The following PCDH15 variants were observed in gnomAD, a reference collection of about 807,000 sequenced individuals.
PCDH15 encodes the protein protocadherin-15.
A neutral mutation model predicts 178.5 loss-of-function variants in PCDH15; 129 were observed. The observed-to-expected ratio is 0.72, with a 90% CI of 0.63 to 0.84. The LOEUF (loss-of-function observed/expected upper bound fraction) is 0.84, where lower values mean the gene tolerates loss of function less well. Ranked by LOEUF, PCDH15 falls within the 40% of genes least tolerant of loss-of-function variation. The pLI is 0.00. For missense variants in PCDH15, 2,230 were observed against 2,099.9 expected (o/e 1.06, Z -1.21); for synonymous variants, 800 against 732.0 (o/e 1.09, Z -1.50).
chr10:54,620,435 C>T (rs1044339407), intron 2 of PCDH15, among the ~76,000 whole-genome samples: 2 of 151,946 alleles, frequency 1.3e-5, no homozygotes, highest in African/African-American at 2.4e-5. Context: ...CTAAATGAAG[C>T]TTTCAGGGGA....
rs568758336 is a variant in PCDH15, at chr10:54,245,630, A to G, written c.877-8699T>C. On this transcript the variant is annotated intron_variant, in intron 8 of 37. Transcript: ENST00000644397. ...AAATGATTACTTAAAAATATTGCAA[A>G]TGCTTGCTTAGCAATGATTTAAAAC... 1.1e-3 allele frequency among the ~76,000 whole-genome samples: 170 copies of G among 152,242 alleles called. No homozygotes were observed. In the Middle Eastern group the frequency reaches 0.02, roughly 18 times the overall value.
intron 18 of PCDH15, among the ~76,000 whole-genome samples, chr10:54,026,167 C>G (rs936381331): frequency 1.3e-5 from 2 of 151,714 alleles, no homozygotes; most frequent in African/African-American, 4.8e-5. Flanking sequence ...CTCCCAGGCT[C>G]AAGCAATCCT....
intron 1 of PCDH15, among the ~76,000 whole-genome samples, chr10:55,275,773 T>C (rs184342889): frequency 1.2e-3 from 188 of 151,404 alleles, no homozygotes; most frequent in Non-Finnish European, 1.9e-3. Flanking sequence ...TATTGTAGAA[T>C]CAGGTTGTCA....
intron 1 of PCDH15, among the ~76,000 whole-genome samples, chr10:55,262,262 AG>A (rs369725548): frequency 3.4e-4 from 48 of 142,998 alleles, no homozygotes; most frequent in Admixed American, 2.7e-3. Context: ...GTGATATGGG[AG>A]GGGGGCAAAG....
intron 23 of PCDH15, among the ~76,000 whole-genome samples, chr10:53,955,535 G>T (rs188042894): frequency 6.6e-6 from 1 of 152,178 alleles, no homozygotes; most frequent in South Asian, 2.1e-4. Flanking sequence ...TTTTTCCTAT[G>T]GAATTCAAAC....
intron 3 of PCDH15, among the ~76,000 whole-genome samples, chr10:54,469,663 G>A (rs2077761184): frequency 6.6e-6 from 1 of 152,170 alleles, no homozygotes; most frequent in Admixed American, 6.5e-5. Flanking sequence ...GCAGGTCTAT[G>A]TAAGCAGGTC....
Position 53,958,923 on chromosome 10 carries a change from G to C in PCDH15, c.3122+809C>G, listed in dbSNP as rs536678703. Among the ~76,000 whole-genome samples the C allele has an allele frequency of 1.1e-4, 15 of 131,742 alleles. No homozygotes were observed. The East Asian group carries it at 3.7e-3, about 32-fold the overall frequency. The allele number at this position is 131,742 out of a possible 152,430, so 86.4% of individuals were successfully genotyped here. A position where few individuals can be genotyped will look rare whatever the true frequency, so the allele number is the denominator to read the frequency against. On this transcript the variant is annotated intron_variant, in intron 23 of 37. Transcript: ENST00000644397. The stretch of plus-strand genomic sequence containing the variant: ...AAACCCAGGAGGTGGAGCTTGTAGT[G>C]ACCCGAGATTACGTCACTGCACTCC...
intron 1 of PCDH15, among the ~76,000 whole-genome samples, chr10:54,675,674 T>C (rs542068420): frequency 7.2e-5 from 11 of 152,146 alleles, no homozygotes; most frequent in Admixed American, 3.9e-4. Flanking sequence ...CGATAATCCT[T>C]AGCCTTTCCT....
intron 18 of PCDH15, among the ~76,000 whole-genome samples, chr10:54,035,719 G>T (rs931999141): frequency 5.9e-5 from 9 of 151,938 alleles, no homozygotes; most frequent in African/African-American, 1.9e-4. Flanking sequence ...TTAAGTGAAA[G>T]AGTTGTGTGT....
At chr10:55,526,312 C>A (rs1395355281) in intron 2 of PCDH15, among the ~76,000 whole-genome samples, 1 of 151,708 alleles carries the variant, frequency 6.6e-6, no homozygotes, top group Non-Finnish European at 1.5e-5. Flanking sequence ...TGTGTATATC[C>A]AATACGTAGA....
intron 2 of PCDH15, among the ~76,000 whole-genome samples, chr10:55,499,245 G>A (rs1340492152): frequency 6.6e-6 from 1 of 151,788 alleles, no homozygotes; most frequent in African/African-American, 2.4e-5. Context: ...TGCTAAATTT[G>A]TGGTAATTTG....
At position 53,866,695 on chromosome 10, in the gene PCDH15, C is replaced by G. The variant is rs760724359; in HGVS notation, c.3664G>C (p.Val1222Leu). ...TTCCCATAGTCGTCAGTTGCAATAA[C>G]TTGAAACTTGAAGTAGGATCTCCTC... ...NMRRSYFKFQ[V>L]IATDDYGKGL... The change falls in exon 27 of 38, where the codon GTT becomes CTT. Residue 1222 changes from valine to leucine, a missense_variant. Val to Leu is a conservative substitution (Grantham distance 32). Transcript: ENST00000644397. 3 of 1,613,600 alleles carry G rather than the reference C, an allele frequency of 1.9e-6. No individual in the cohort carries two copies. The highest frequency in any genetic ancestry group is 1.7e-5 in the Admixed American group (1 of 59,970).
chr10:55,398,609 C>G (rs1406678720), intron 2 of PCDH15, among the ~76,000 whole-genome samples: 4 of 152,110 alleles, frequency 2.6e-5, no homozygotes, highest in African/African-American at 9.7e-5. Context: ...TTTACCAAAT[C>G]AAAAGATATA....
chr10:53,904,144 A>T (rs186952119), intron 25 of PCDH15, among the ~76,000 whole-genome samples: 18 of 152,338 alleles, frequency 1.2e-4, no homozygotes, highest in African/African-American at 3.8e-4. Context: ...ACAATTTAAT[A>T]TGTATAAAAA....
chr10:54,364,703 C>T (rs967481064), intron 5 of PCDH15, among the ~76,000 whole-genome samples: 12 of 151,940 alleles, frequency 7.9e-5, no homozygotes, highest in Non-Finnish European at 1.6e-4. Context: ...AATTTTGTGG[C>T]TTAAATTAAT....
intron 2 of PCDH15, among the ~76,000 whole-genome samples, chr10:54,601,679 C>G (rs2092541082): frequency 6.6e-6 from 1 of 151,926 alleles, no homozygotes; most frequent in African/African-American, 2.4e-5. Context: ...ACCCAGCAAT[C>G]CCATTACTGG....
intron 2 of PCDH15, among the ~76,000 whole-genome samples, chr10:55,435,898 T>C (rs1839027289): frequency 6.6e-6 from 1 of 152,158 alleles, no homozygotes; most frequent in Admixed American, 6.6e-5. Flanking sequence ...TCCCACATGA[T>C]ATAAGAGTTG....
intron 2 of PCDH15, among the ~76,000 whole-genome samples, chr10:55,353,354 C>T (rs967977029): frequency 2.6e-5 from 4 of 152,008 alleles, no homozygotes; most frequent in Admixed American, 6.6e-5. Context: ...GGTCTGAAAC[C>T]GCAATTACTT....
chr10:54,583,783 C>A (rs1357852573), intron 2 of PCDH15, among the ~76,000 whole-genome samples: 4 of 151,810 alleles, frequency 2.6e-5, no homozygotes, highest in African/African-American at 9.7e-5. Flanking sequence ...AAATAGACAC[C>A]CTCTAAAGCA....
Sources: allele counts gnomAD v4.1 joint callset (sites outside exome capture counted in the v4.1 genomes callset), GRCh38; gene constraint gnomAD v4.1.1; transcripts MANE v1.5; gene names NCBI Gene and HGNC (gene_info 2026-07-23, HGNC 2026-07-21).